FAM168A: variants seen among roughly 807,000 people sequenced by gnomAD.
FAM168A encodes the protein protein FAM168A.
FAM168A carries 3 observed loss-of-function variants against 28.5 expected under a neutral mutation model. That is an observed-to-expected ratio of 0.11 (90% CI 0.05 to 0.27). FAM168A has a LOEUF of 0.27. Ranked by LOEUF, FAM168A falls within the 10% of genes least tolerant of loss-of-function variation. The pLI, the probability that FAM168A is intolerant of heterozygous loss-of-function variation, is 1.00. For synonymous variants in FAM168A, 122 were observed against 124.2 expected (o/e 0.98, Z 0.12); for missense variants, 222 against 311.5 (o/e 0.71, Z 2.16).
rs1866492735 is a variant in FAM168A, at chr11:73,405,680, G to T, written c.*1083C>A. 2 of 152,180 alleles carry T rather than the reference G, an allele frequency of 1.3e-5. No homozygotes were observed. Among genetic ancestry groups the T allele is most frequent in the African/African-American group, 4.8e-5 (2 of 41,434 alleles). The allele number at this position is 152,180 out of a possible 1,614,324, so 9.4% of individuals were successfully genotyped here. On this transcript the variant is annotated 3_prime_UTR_variant, in exon 8 of 8. Coordinates refer to ENST00000356467, the MANE Select transcript of FAM168A (RefSeq NM_015159.3). Reference sequence around the variant, plus strand: ...GCTGCCAGCACCCACCTGGAATGTGGTTCCTTCACTTGGGCCATGAATGGC... The same window carrying T: ...GCTGCCAGCACCCACCTGGAATGTGTTTCCTTCACTTGGGCCATGAATGGC...
intron 1 of FAM168A, among the ~76,000 whole-genome samples, chr11:73,585,197 C>T (rs1474135673): frequency 1.3e-5 from 2 of 152,186 alleles, no homozygotes; most frequent in Non-Finnish European, 2.9e-5. Flanking sequence ...TCTTCATATA[C>T]TGAAAGTCAC....
chr11:73,499,605 T>A (rs1472584494), intron 1 of FAM168A, among the ~76,000 whole-genome samples: 1 of 152,148 alleles, frequency 6.6e-6, no homozygotes, highest in Non-Finnish European at 1.5e-5. Flanking sequence ...TCTAACCCAA[T>A]GCAAAGAAGC....
chr11:73,476,885 T>C (rs866312000), intron 1 of FAM168A, among the ~76,000 whole-genome samples: 4 of 151,784 alleles, frequency 2.6e-5, no homozygotes, highest in Non-Finnish European at 4.4e-5. Flanking sequence ...ATAGAAGTTA[T>C]ACAATCTGAA....
At chr11:73,557,386 C>G (rs1382509447) in intron 1 of FAM168A, among the ~76,000 whole-genome samples, 1 of 151,808 alleles carries the variant, frequency 6.6e-6, no homozygotes, top group African/African-American at 2.4e-5. Flanking sequence ...CCACTCCTGG[C>G]TAAGTTTTTT....
intron 2 of FAM168A, among the ~76,000 whole-genome samples, chr11:73,448,653 A>G (rs567555179): frequency 6.6e-6 from 1 of 152,360 alleles, no homozygotes; most frequent in South Asian, 2.1e-4. Flanking sequence ...AGATGTACAC[A>G]GAAGTCTGCT....
intron 1 of FAM168A, among the ~76,000 whole-genome samples, chr11:73,584,470 T>C (rs1357207327): frequency 6.4e-5 from 7 of 109,686 alleles, no homozygotes; most frequent in Admixed American, 4.1e-4. Flanking sequence ...GCCCACTGAC[T>C]TTTTTTTTTT....
intron 1 of FAM168A, among the ~76,000 whole-genome samples, chr11:73,476,560 G>GA (rs1264408923): frequency 6.6e-6 from 1 of 151,940 alleles, no homozygotes; most frequent in African/African-American, 2.4e-5. Flanking sequence ...AACACGCAAA[G>GA]AAACAATAAA....
intron 3 of FAM168A, among the ~76,000 whole-genome samples, chr11:73,429,725 T>C (rs937762269): frequency 6.6e-6 from 1 of 152,174 alleles, no homozygotes; most frequent in Admixed American, 6.5e-5. Context: ...CCCTCCTCCT[T>C]CCATGTATTC....
At chr11:73,593,133 G>C (rs1944401129) in intron 1 of FAM168A, among the ~76,000 whole-genome samples, 1 of 152,022 alleles carries the variant, frequency 6.6e-6, no homozygotes, top group African/African-American at 2.4e-5. Flanking sequence ...AAAGTATAAA[G>C]AAAAGCAAAG....
At chr11:73,471,826 T>C (rs1867818456) in intron 1 of FAM168A, among the ~76,000 whole-genome samples, 2 of 152,182 alleles carry the variant, frequency 1.3e-5, no homozygotes, top group African/African-American at 4.8e-5. Context: ...AGATTTTTTT[T>C]CAAGTGAAAG....
chr11:73,585,265 A>G (rs77376532), intron 1 of FAM168A, among the ~76,000 whole-genome samples: 11,060 of 152,274 alleles, frequency 0.073, 1,202 homozygotes, highest in African/African-American at 0.23. Flanking sequence ...ACCATTTGTT[A>G]AGTAATTAAT....
chr11:73,496,543 T>TTTTG (rs201629886), intron 1 of FAM168A, among the ~76,000 whole-genome samples: 3 of 152,328 alleles, frequency 2.0e-5, no homozygotes, highest in East Asian at 1.9e-4. Context: ...TTATGTTATT[T>TTTTG]TTTGTTTGTT....
chr11:73,517,654 A>G (rs1290550544), intron 1 of FAM168A, among the ~76,000 whole-genome samples: 1 of 152,160 alleles, frequency 6.6e-6, no homozygotes, highest in Non-Finnish European at 1.5e-5. Flanking sequence ...AGGATCAGGG[A>G]AAAACAATAA....
At chr11:73,457,746 A>AAAAAAAAAAAAAAAAAAAAAAAAAG (rs1555022721) in intron 2 of FAM168A, among the ~76,000 whole-genome samples, 3 of 138,420 alleles carry the variant, frequency 2.2e-5, no homozygotes, top group African/African-American at 9.0e-5. Flanking sequence ...AAAAAAAAAA[A>AAAAAAAAAAAAAAAAAAAAAAAAAG]AAAAGAAAAG....
chr11:73,569,983 G>A (rs996283408), intron 1 of FAM168A, among the ~76,000 whole-genome samples: 1 of 152,108 alleles, frequency 6.6e-6, no homozygotes, highest in Non-Finnish European at 1.5e-5. Context: ...ACAAATGAAT[G>A]ATCTTGTGTA....
At chr11:73,566,313 G>A (rs1292225624) in intron 1 of FAM168A, among the ~76,000 whole-genome samples, 1 of 152,120 alleles carries the variant, frequency 6.6e-6, no homozygotes, top group East Asian at 1.9e-4. Context: ...CCCTCTTCAA[G>A]GGGATGCATT....
At chr11:73,587,136 T>C (rs931369757) in intron 1 of FAM168A, among the ~76,000 whole-genome samples, 1 of 146,500 alleles carries the variant, frequency 6.8e-6, no homozygotes, top group African/African-American at 2.6e-5. Flanking sequence ...TGTCATTGCA[T>C]TCTTCATGGA....
chr11:73,407,693 A>G, intron 6 of FAM168A, 50 bp from the exon 7 acceptor site: 1 of 1,428,478 alleles, frequency 7.0e-7, no homozygotes, highest in Admixed American at 1.8e-5. Flanking sequence ...CACCAGACAC[A>G]GGAATGAAGA....
At chr11:73,420,109 G>T in intron 3 of FAM168A, 110 bp from the exon 4 acceptor site, 2 of 1,346,534 alleles carry the variant, frequency 1.5e-6, no homozygotes, top group Non-Finnish European at 2.0e-6. Context: ...AACCCAAGGG[G>T]CCTGTTCAGA....
Sources: allele counts gnomAD v4.1 joint callset (sites outside exome capture counted in the v4.1 genomes callset), GRCh38; gene constraint gnomAD v4.1.1; transcripts MANE v1.5; gene names NCBI Gene and HGNC (gene_info 2026-07-23, HGNC 2026-07-21).